The following ZBTB20 variants were observed in gnomAD, a reference collection of about 807,000 sequenced individuals.
The protein encoded by ZBTB20 is zinc finger and BTB domain-containing protein 20.
In ZBTB20, 9 loss-of-function variants were observed where a neutral mutation model predicts 56.9. That is an observed-to-expected ratio of 0.16 (90% CI 0.10 to 0.28). The LOEUF is 0.28. ZBTB20 is among the 10% of genes least tolerant of loss of function. ZBTB20 has a pLI of 1.00. For synonymous variants in ZBTB20, 417 were observed against 420.7 expected (o/e 0.99, Z 0.11); for missense variants, 655 against 1,003.0 (o/e 0.65, Z 4.69).
At chr3:114,772,845 C>T (rs1403601) in intron 5 of ZBTB20, among the ~76,000 whole-genome samples, 2 of 152,170 alleles carry the variant, frequency 1.3e-5, no homozygotes, top group African/African-American at 4.8e-5. Flanking sequence ...CATGAAAAAG[C>T]GACTCTGTAA....
intron 4 of ZBTB20, among the ~76,000 whole-genome samples, chr3:114,806,440 T>C (rs2072110538): frequency 6.6e-6 from 1 of 151,998 alleles, no homozygotes. Flanking sequence ...TTAGCTGGGT[T>C]GCTTGTCTTT....
intron 3 of ZBTB20, among the ~76,000 whole-genome samples, chr3:114,957,376 A>G (rs1005646819): frequency 3.5e-4 from 54 of 152,194 alleles, no homozygotes; most frequent in African/African-American, 1.2e-3. Context: ...TAGAGGATAG[A>G]ATGGAAAATG....
At chr3:114,853,239 A>G (rs2075083801) in intron 4 of ZBTB20, among the ~76,000 whole-genome samples, 1 of 152,076 alleles carries the variant, frequency 6.6e-6, no homozygotes, top group South Asian at 2.1e-4. Flanking sequence ...ATAGCCTCAC[A>G]CTTTCCTGTT....
chr3:114,578,500 C>T (rs1026846954), intron 6 of ZBTB20, among the ~76,000 whole-genome samples: 11 of 151,790 alleles, frequency 7.2e-5, no homozygotes, highest in Admixed American at 1.3e-4. Context: ...AATAAATCCA[C>T]GTCCAGACAC....
intron 5 of ZBTB20, among the ~76,000 whole-genome samples, chr3:114,701,101 C>T (rs6762934): frequency 0.56 from 85,397 of 152,078 alleles, 28,363 homozygotes; most frequent in Non-Finnish European, 0.75. Context: ...GCACATTAAC[C>T]TGGCATATGA....
At chr3:114,429,009 T>C (rs985871942) in intron 7 of ZBTB20, among the ~76,000 whole-genome samples, 1 of 151,992 alleles carries the variant, frequency 6.6e-6, no homozygotes, top group Non-Finnish European at 1.5e-5. Flanking sequence ...CAAAAAAAGA[T>C]ACAGGGGGAG....
At chr3:114,414,455 T>C (rs1408947378) in intron 7 of ZBTB20, among the ~76,000 whole-genome samples, 1 of 152,102 alleles carries the variant, frequency 6.6e-6, no homozygotes, top group Non-Finnish European at 1.5e-5. Context: ...TTAATCTGAA[T>C]GAGCTTTGTT....
intron 4 of ZBTB20, among the ~76,000 whole-genome samples, chr3:114,834,726 G>A (rs960413829): frequency 4.0e-5 from 6 of 151,854 alleles, no homozygotes; most frequent in Non-Finnish European, 7.4e-5. Flanking sequence ...GGACCCTCAC[G>A]CTCCTGAGAT....
Position 114,979,239 on chromosome 3 carries a change from A to G in ZBTB20, c.-506-4823T>C, listed in dbSNP as rs563034505. 3.9e-5 allele frequency among the ~76,000 whole-genome samples: 6 copies of G among 152,120 alleles called. No homozygotes were observed. In the East Asian group the frequency reaches 1.2e-3, roughly 29 times the overall value. On this transcript the variant is annotated intron_variant, in intron 2 of 11. Coordinates refer to ENST00000675478, the MANE Select transcript of ZBTB20 (RefSeq NM_001348800.3). Reference sequence around the variant, plus strand: ...TACTGTGAACATACTTTTACAAGAGAAAATAGATGAAATGTTCATCGATTT... The same window carrying G: ...TACTGTGAACATACTTTTACAAGAGGAAATAGATGAAATGTTCATCGATTT...
At chr3:114,386,885 C>T (rs1320307408) in intron 8 of ZBTB20, among the ~76,000 whole-genome samples, 1 of 152,100 alleles carries the variant, frequency 6.6e-6, no homozygotes, top group Non-Finnish European at 1.5e-5. Context: ...TCTTAGCTTC[C>T]ATGTACCTAT....
chr3:115,145,932 T>C (rs891796124), intron 1 of ZBTB20, among the ~76,000 whole-genome samples: 6 of 152,220 alleles, frequency 3.9e-5, no homozygotes. Context: ...GAATGGCCTC[T>C]ATAATTTTTT....
chr3:115,114,480 G>T (rs2083964752), intron 1 of ZBTB20, among the ~76,000 whole-genome samples: 1 of 152,066 alleles, frequency 6.6e-6, no homozygotes, highest in South Asian at 2.1e-4. Flanking sequence ...TCCATCTTCA[G>T]ATGAATAAGT....
chr3:114,447,691 C>T (rs1032250286), intron 7 of ZBTB20, among the ~76,000 whole-genome samples: 1 of 152,058 alleles, frequency 6.6e-6, no homozygotes, highest in South Asian at 2.1e-4. Context: ...TAGAGTGGGA[C>T]GTTAATTTAA....
At chr3:114,534,239 C>A (rs1041822318) in intron 6 of ZBTB20, among the ~76,000 whole-genome samples, 10 of 151,964 alleles carry the variant, frequency 6.6e-5, no homozygotes, top group African/African-American at 2.4e-4. Flanking sequence ...ATTTAGGAGA[C>A]CCATCTCACG....
At chr3:114,571,064 G>C (rs2107339792) in intron 6 of ZBTB20, among the ~76,000 whole-genome samples, 1 of 152,080 alleles carries the variant, frequency 6.6e-6, no homozygotes, top group East Asian at 1.9e-4. Context: ...TTGTAAAAAT[G>C]TAATACTAAG....
At chr3:114,426,368 A>G in intron 7 of ZBTB20, among the ~76,000 whole-genome samples, 1 of 121,914 alleles carries the variant, frequency 8.2e-6, no homozygotes, top group African/African-American at 2.8e-5. Flanking sequence ...AAAAAAAAAA[A>G]AAATTGCCTC....
At chr3:114,692,472 T>C (rs1237491489) in intron 6 of ZBTB20, among the ~76,000 whole-genome samples, 2 of 152,172 alleles carry the variant, frequency 1.3e-5, no homozygotes, top group South Asian at 2.1e-4. Flanking sequence ...CAAGAGATTA[T>C]TTCCCTCAGT....
At chr3:114,612,359 T>A (rs1009837185) in intron 6 of ZBTB20, among the ~76,000 whole-genome samples, 2 of 152,196 alleles carry the variant, frequency 1.3e-5, no homozygotes, top group Non-Finnish European at 2.9e-5. Flanking sequence ...AATAAGAGTA[T>A]AAAAACCATA....
At chr3:114,760,803 T>C (rs902579212) in intron 5 of ZBTB20, among the ~76,000 whole-genome samples, 4 of 152,182 alleles carry the variant, frequency 2.6e-5, no homozygotes, top group African/African-American at 9.7e-5. Context: ...TGCCTATTTA[T>C]CTTCTTTTAC....
Sources: allele counts gnomAD v4.1 joint callset (sites outside exome capture counted in the v4.1 genomes callset), GRCh38; gene constraint gnomAD v4.1.1; transcripts MANE v1.5; gene names NCBI Gene and HGNC (gene_info 2026-07-23, HGNC 2026-07-21).